The following ANKRD12 variants were observed in gnomAD, a reference collection of about 807,000 sequenced individuals.
The protein encoded by ANKRD12 is ankyrin repeat domain-containing protein 12.
ANKRD12 carries 85 observed loss-of-function variants against 183.4 expected under a neutral mutation model. The observed-to-expected ratio is 0.46, with a 90% CI of 0.39 to 0.56. The LOEUF is 0.56. ANKRD12 is among the 20% of genes least tolerant of loss of function. The pLI is 0.00. For missense variants in ANKRD12, 2,405 were observed against 2,357.1 expected (o/e 1.02, Z -0.42); for synonymous variants, 914 against 800.2 (o/e 1.14, Z -2.40).
chr18:9,186,781 C>T (rs1187818278), intron 2 of ANKRD12, among the ~76,000 whole-genome samples: 6 of 138,488 alleles, frequency 4.3e-5, no homozygotes, highest in South Asian at 4.5e-4. Context: ...GACGGAGTCT[C>T]GCTCTTTTTC....
chr18:9,209,322 G>A (rs2035653533), intron 5 of ANKRD12, among the ~76,000 whole-genome samples: 1 of 152,174 alleles, frequency 6.6e-6, no homozygotes. Flanking sequence ...CATCCTGGCA[G>A]CTAAAAGTAC....
chr18:9,232,167 T>C (rs1190828555), intron 8 of ANKRD12, among the ~76,000 whole-genome samples: 2 of 152,272 alleles, frequency 1.3e-5, no homozygotes. Context: ...TCTGTGGTAC[T>C]ACCATTTGAT....
rs201740189 is a variant in ANKRD12, at chr18:9,263,801, A to G, written c.5676A>G (p.Pro1892=). 6.4e-7 allele frequency: 1 copy of G among 1,560,272 alleles called. No homozygotes were observed. Among genetic ancestry groups the G allele is most frequent in the Non-Finnish European group, 8.7e-7 (1 of 1,144,858 alleles). Reference sequence around the variant, plus strand: ...ATCTTTTTAATTAGATTACACCACCACCTTCACTGTCAGATCCACTTAAAG... The same window carrying G: ...ATCTTTTTAATTAGATTACACCACCGCCTTCACTGTCAGATCCACTTAAAG... ...SKICIPTITP[P]PSLSDPLKEL... is the part of the protein sequence containing the mutation. The change falls in exon 10 of 13, where the codon CCA becomes CCG. Residue 1892 remains proline, a synonymous_variant. Transcript: ENST00000262126.
At chr18:9,245,366 A>T (rs8096739) in intron 8 of ANKRD12, among the ~76,000 whole-genome samples, 1 of 151,840 alleles carries the variant, frequency 6.6e-6, no homozygotes, top group African/African-American at 2.4e-5. Flanking sequence ...TGGGAGAATC[A>T]CTTGAGCCCA....
intron 7 of ANKRD12, among the ~76,000 whole-genome samples, chr18:9,219,823 G>A (rs1438805728): frequency 6.6e-6 from 1 of 151,510 alleles, no homozygotes; most frequent in Non-Finnish European, 1.5e-5. Flanking sequence ...CTTAAGATAT[G>A]GAAACGACTA....
intron 1 of ANKRD12, among the ~76,000 whole-genome samples, chr18:9,164,763 T>G (rs201749014): frequency 1.3e-5 from 2 of 152,212 alleles, no homozygotes; most frequent in Admixed American, 6.5e-5. Flanking sequence ...AGAGAGTTTG[T>G]TGTAATTTCA....
rs549899032 is a variant in ANKRD12, at chr18:9,231,564, G to A, written c.943+9565G>A. The stretch of plus-strand genomic sequence containing the variant: ...TTATCCGTGCCGGGCGCGGTGGCTC[G>A]AGCCTGTAATCCCAGCACTTTGGGA... On this transcript the variant is annotated intron_variant, in intron 8 of 12. Coordinates refer to ENST00000262126, the MANE Select transcript of ANKRD12 (RefSeq NM_015208.5). Among the ~76,000 whole-genome samples, 29 of 151,504 alleles carry A rather than the reference G, an allele frequency of 1.9e-4. No individual in the cohort carries two copies. In the South Asian group the frequency reaches 5.6e-3, roughly 29 times the overall value.
At chr18:9,244,702 A>G (rs1477983142) in intron 8 of ANKRD12, among the ~76,000 whole-genome samples, 4 of 152,240 alleles carry the variant, frequency 2.6e-5, no homozygotes, top group Admixed American at 6.5e-5. Context: ...CAAAAATTCC[A>G]GTAAGTATGA....
intron 6 of ANKRD12, among the ~76,000 whole-genome samples, chr18:9,216,282 G>A (rs752068917): frequency 6.6e-6 from 1 of 151,848 alleles, no homozygotes; most frequent in Non-Finnish European, 1.5e-5. Flanking sequence ...CCTACTCACC[G>A]TGAAGATGAT....
chr18:9,284,229 A>G lies in ANKRD12; in HGVS notation c.*3103A>G, dbSNP rs1252338557. 1 of 152,222 alleles carries G rather than the reference A, an allele frequency of 6.6e-6. No individual in the cohort carries two copies. Among genetic ancestry groups the G allele is most frequent in the African/African-American group, 2.4e-5 (1 of 41,458 alleles). 9.4% of individuals were successfully genotyped at this position (152,222 alleles called of 1,614,324 possible). A position where few individuals can be genotyped will look rare whatever the true frequency, so the allele number is the denominator to read the frequency against. On this transcript the variant is annotated 3_prime_UTR_variant, in exon 13 of 13. Coordinates refer to ENST00000262126, the MANE Select transcript of ANKRD12 (RefSeq NM_015208.5). The stretch of plus-strand genomic sequence containing the variant: ...AAAACGCCAATATGTACAAAGCACA[A>G]TAAAGCAAAGCACAATAGAACAGGA...
intron 5 of ANKRD12, among the ~76,000 whole-genome samples, chr18:9,210,978 G>C (rs1794047299): frequency 1.3e-5 from 2 of 151,830 alleles, no homozygotes; most frequent in South Asian, 4.2e-4. Context: ...AATTGGAGAG[G>C]AGACTTTGGG....
intron 8 of ANKRD12, among the ~76,000 whole-genome samples, chr18:9,251,195 A>G (rs181968837): frequency 2.4e-4 from 37 of 152,220 alleles, no homozygotes; most frequent in Non-Finnish European, 5.0e-4. Flanking sequence ...CTCTCTGCCT[A>G]TTATTTTTTA....
chr18:9,160,823 T>C (rs1433645312), intron 1 of ANKRD12, among the ~76,000 whole-genome samples: 4 of 152,208 alleles, frequency 2.6e-5, no homozygotes, highest in Non-Finnish European at 4.4e-5. Context: ...CTAAAAACAG[T>C]GCCAACACAA....
intron 9 of ANKRD12, 113 bp downstream of exon 9, chr18:9,259,044 ATC>A (rs2145238562): frequency 1.6e-6 from 2 of 1,236,568 alleles, no homozygotes; most frequent in East Asian, 4.9e-5. Context: ...CAGCAAAATA[ATC>A]TGTCAGTGAG....
chr18:9,273,728 G>A (rs2039710045), intron 10 of ANKRD12, among the ~76,000 whole-genome samples: 1 of 152,196 alleles, frequency 6.6e-6, no homozygotes. Flanking sequence ...TGAACAGCCT[G>A]TAGGGGAGGC....
At position 9,285,163 on chromosome 18, in the gene ANKRD12, C is replaced by A. The variant is rs541940012; in HGVS notation, c.*4037C>A. The A allele has an allele frequency of 2.0e-5, 3 of 150,126 alleles. No homozygotes were observed. Among genetic ancestry groups the A allele is most frequent in the African/African-American group, 4.9e-5 (2 of 40,712 alleles). The allele number at this position is 150,126 out of a possible 1,614,324, so 9.3% of individuals were successfully genotyped here. A position where few individuals can be genotyped will look rare whatever the true frequency, so the allele number is the denominator to read the frequency against. The stretch of plus-strand genomic sequence containing the variant: ...GGCGGAGCTTGCAGTGAGCCGAGAT[C>A]GTGCCACTGCACTCCAGCCTGGGCG... On this transcript the variant is annotated 3_prime_UTR_variant, in exon 13 of 13. Transcript: ENST00000262126.
chr18:9,154,110 G>T (rs762810268), intron 1 of ANKRD12, among the ~76,000 whole-genome samples: 2 of 152,058 alleles, frequency 1.3e-5, no homozygotes, highest in African/African-American at 2.4e-5. Flanking sequence ...GATATAATTT[G>T]ATTTTTAGTT....
intron 1 of ANKRD12, among the ~76,000 whole-genome samples, chr18:9,165,397 G>A (rs991363592): frequency 6.6e-6 from 1 of 152,078 alleles, no homozygotes; most frequent in South Asian, 2.1e-4. Context: ...TGAGTGTACA[G>A]TTCAGTAGCA....
chr18:9,275,534 T>A lies in ANKRD12; in HGVS notation c.5774T>A (p.Ile1925Asn). The change falls in exon 11 of 13, where the codon ATT (isoleucine) becomes AAT (asparagine). Residue 1925 changes from isoleucine to asparagine, a missense_variant. Transcript: ENST00000262126. ...TCTTTATTCAACTAGGAAAAACTCA[T>A]TGTATCCAACGAACAAGAAGTTTTG... ...LQHSIEREKL[I>N]VSNEQEVLRV... The A allele has an allele frequency of 6.3e-7, 1 of 1,598,250 alleles. No homozygotes were observed. Among genetic ancestry groups the A allele is most frequent in the Non-Finnish European group, 8.5e-7 (1 of 1,173,386 alleles).
Sources: allele counts gnomAD v4.1 joint callset (sites outside exome capture counted in the v4.1 genomes callset), GRCh38; gene constraint gnomAD v4.1.1; transcripts MANE v1.5; gene names NCBI Gene and HGNC (gene_info 2026-07-23, HGNC 2026-07-21).